The following SUPT6H variants were observed in gnomAD, a reference collection of about 807,000 sequenced individuals.
SUPT6H encodes the protein transcription elongation factor SPT6.
A neutral mutation model predicts 222.3 loss-of-function variants in SUPT6H; 11 were observed. The observed-to-expected ratio is 0.05, with a 90% CI of 0.03 to 0.08. SUPT6H has a LOEUF of 0.08. Ranked by LOEUF, SUPT6H falls within the 10% of genes least tolerant of loss-of-function variation. SUPT6H has a pLI of 1.00. For missense variants in SUPT6H, 1,422 were observed against 2,216.0 expected, an observed-to-expected ratio of 0.64 and a Z score of 7.19; for synonymous variants, 762 against 801.2, an observed-to-expected ratio of 0.95 and a Z score of 0.83.
chr17:28,674,488 A>C (rs780632340), intron 3 of SUPT6H, 47 bp downstream of exon 3: 1 of 1,614,002 alleles, frequency 6.2e-7, no homozygotes, highest in East Asian at 2.2e-5. Context: ...TGGAGGTTGC[A>C]GTGGAAAAGG....
intron 23 of SUPT6H, 144 bp downstream of exon 23, chr17:28,687,615 G>C: frequency 3.1e-6 from 3 of 960,654 alleles, no homozygotes; most frequent in Non-Finnish European, 4.5e-6. Context: ...AGTCAAAAGA[G>C]TCTGACTTCA....
intron 13 of SUPT6H, among the ~76,000 whole-genome samples, chr17:28,682,479 G>C (rs1399535086): frequency 2.0e-5 from 3 of 152,078 alleles, no homozygotes; most frequent in South Asian, 4.2e-4. Flanking sequence ...AATTAGCCAG[G>C]AGTGGTGGGA....
chr17:28,698,869 G>T (rs973669916), intron 32 of SUPT6H, among the ~76,000 whole-genome samples: 1 of 152,142 alleles, frequency 6.6e-6, no homozygotes, highest in Non-Finnish European at 1.5e-5. Flanking sequence ...ACTCACCAGT[G>T]TGCTTCCAGA....
At chr17:28,676,550 G>T in intron 7 of SUPT6H, 120 bp downstream of exon 7, 1 of 1,463,054 alleles carries the variant, frequency 6.8e-7, no homozygotes, top group Non-Finnish European at 9.1e-7. Context: ...TCTCACCTGG[G>T]GCCTGGGAAA....
At chr17:28,681,186 C>A in intron 11 of SUPT6H, 70 bp from the exon 12 acceptor site, 1 of 1,576,156 alleles carries the variant, frequency 6.3e-7, no homozygotes, top group Non-Finnish European at 8.6e-7. Flanking sequence ...GGAATTGGAC[C>A]TCTTGTAGCC....
At chr17:28,690,030 G>GCTCAGGTTGAGT (rs1286328008) in intron 25 of SUPT6H, 52 bp from the exon 26 acceptor site, 1 of 1,575,228 alleles carries the variant, frequency 6.3e-7, no homozygotes, top group African/African-American at 1.4e-5. Flanking sequence ...ACTCCTTGAG[G>GCTCAGGTTGAGT]CTCAGGTTGG....
At position 28,697,691 on chromosome 17, in the gene SUPT6H, G is replaced by C; in HGVS notation, c.4281G>C (p.Leu1427=). Residue 1427 remains leucine, a synonymous_variant, in exon 31 of 37, where the codon CTG becomes CTC. Coordinates refer to ENST00000314616, the MANE Select transcript of SUPT6H (RefSeq NM_003170.5). ...QPMASFARDL[L]NHKYYQDCSG... is the part of the protein sequence containing the mutation. ...TGGCATCCTTTGCCCGGGACCTTCT[G>C]AATCACAAGTATTATCAGGACTGCA... is the stretch of plus-strand genomic sequence containing the variant. 6.2e-7 allele frequency: 1 copy of C among 1,614,220 alleles called. No individual in the cohort carries two copies. Among genetic ancestry groups the C allele is most frequent in the South Asian group, 1.1e-5 (1 of 91,078 alleles).
At chr17:28,667,405 GTATATATATATATATATA>G (rs59286877) in intron 1 of SUPT6H, among the ~76,000 whole-genome samples, 6 of 49,304 alleles carry the variant, frequency 1.2e-4, no homozygotes, top group East Asian at 1.7e-3. Context: ...GTGTGTGTGT[GTATATATATATATATATA>G]TATATATATA....
chr17:28,674,237 T>TTTTTTTC, intron 2 of SUPT6H, 46 bp from the exon 3 acceptor site: 1 of 1,611,152 alleles, frequency 6.2e-7, no homozygotes, highest in Non-Finnish European at 8.5e-7. Flanking sequence ...CCTGAACCTC[T>TTTTTTTC]AGCCTGTTTT....
At position 28,681,402 on chromosome 17, in the gene SUPT6H, A is replaced by T. The variant is rs759506449; in HGVS notation, c.1496A>T (p.Glu499Val). 2.5e-6 allele frequency: 4 copies of T among 1,597,944 alleles called. No individual in the cohort carries two copies. The highest frequency in any genetic ancestry group is 2.6e-6 in the Non-Finnish European group (3 of 1,173,236). Residue 499 changes from glutamate (E) to valine (V), a missense_variant and splice_region_variant, in exon 12 of 37, where the codon GAA becomes GTA. Glu to Val is a moderately radical substitution (Grantham distance 121, BLOSUM62 -2). Transcript: ENST00000314616. ...CGTGTCAGGGAAGAGGGAGATGAAG[A>T]AGGTTAGTGCTGGAAAAGAAAATCC... is the stretch of plus-strand genomic sequence containing the variant. Reference protein sequence around the residue: ...LKRVREEGDEEGEGDEAEDEE... With the variant: ...LKRVREEGDEVGEGDEAEDEE...
At chr17:28,681,453 G>A (rs776830519) in intron 12 of SUPT6H, 49 bp downstream of exon 12, 1 of 1,539,564 alleles carries the variant, frequency 6.5e-7, no homozygotes, top group Non-Finnish European at 8.7e-7. Context: ...CATGCATGAT[G>A]GCTCACGCAT....
chr17:28,696,722 C>A (rs1039983532), intron 29 of SUPT6H, 122 bp from the exon 30 acceptor site: 56 of 898,634 alleles, frequency 6.2e-5, no homozygotes, highest in Non-Finnish European at 1.2e-5. Context: ...ACTGGCACTC[C>A]AGCCCAGATG....
chr17:28,662,812 TG>T (rs983524029), intron 1 of SUPT6H, among the ~76,000 whole-genome samples: 1 of 152,230 alleles, frequency 6.6e-6, no homozygotes, highest in African/African-American at 2.4e-5. Flanking sequence ...TAGAACTTTT[TG>T]TAGATGGTTG....
intron 17 of SUPT6H, 111 bp downstream of exon 17, chr17:28,683,927 C>A (rs1287032472): frequency 9.9e-7 from 1 of 1,007,400 alleles, no homozygotes; most frequent in African/African-American, 1.7e-5. Context: ...GCTCTGCCTC[C>A]TAGGTTGATG....
In SUPT6H at chr17:28,681,821, G is replaced by A. The variant is rs2031118676; in HGVS notation, c.1499-61G>A. 6.2e-6 allele frequency: 9 copies of A among 1,461,886 alleles called. No homozygotes were observed. The East Asian group carries it at 1.9e-4, about 31-fold the overall frequency. The allele number at this position is 1,461,886 out of a possible 1,614,324, so 90.6% of individuals were successfully genotyped here. A position where few individuals can be genotyped will look rare whatever the true frequency, so the allele number is the denominator to read the frequency against. ...CCCTTTGAGGCTTCTCTCCTAATGT[G>A]TCAGATCCTTGGGAGTGATTGGAAA... On this transcript the variant is annotated intron_variant, in intron 12 of 36. Transcript: ENST00000314616.
At position 28,701,367 on chromosome 17, in the gene SUPT6H, C is replaced by T. The variant is rs957670476; in HGVS notation, c.4995-72C>T. On this transcript the variant is annotated intron_variant, in intron 36 of 36. Transcript: ENST00000314616. Reference sequence around the variant, plus strand: ...CCCATAGGTATGAGGTTCCTTTCTGCAAGGGTACAGTGATTGGTGGGAAGA... The same window carrying T: ...CCCATAGGTATGAGGTTCCTTTCTGTAAGGGTACAGTGATTGGTGGGAAGA... 55 of 1,555,116 alleles carry T rather than the reference C, an allele frequency of 3.5e-5. No homozygotes were observed. The African/African-American group carries it at 5.2e-4, about 15-fold the overall frequency.
chr17:28,682,905 A>T (rs1483584616), intron 14 of SUPT6H, 37 bp from the exon 15 acceptor site: 1 of 1,613,338 alleles, frequency 6.2e-7, no homozygotes. Context: ...GAGGACCACA[A>T]CACCCTGGTC....
chr17:28,681,783 C>G (rs777628658), intron 12 of SUPT6H, 99 bp from the exon 13 acceptor site: 8 of 1,027,276 alleles, frequency 7.8e-6, no homozygotes, highest in Non-Finnish European at 1.1e-5. Context: ...TGAAGGAGGC[C>G]CTTGGCTGGG....
chr17:28,681,629 G>A (rs1202766533), intron 12 of SUPT6H, among the ~76,000 whole-genome samples: 1 of 151,548 alleles, frequency 6.6e-6, no homozygotes, highest in Non-Finnish European at 1.5e-5. Context: ...GCTGAGGCAT[G>A]CCTGAACCTA....
Sources: allele counts gnomAD v4.1 joint callset (sites outside exome capture counted in the v4.1 genomes callset), GRCh38; gene constraint gnomAD v4.1.1; transcripts MANE v1.5; gene names NCBI Gene and HGNC (gene_info 2026-07-23, HGNC 2026-07-21).